The following NMNAT1 variants were observed in gnomAD, a reference collection of about 807,000 sequenced individuals.
NMNAT1 encodes the protein nicotinamide nucleotide adenylyltransferase 1.
NMNAT1 carries 11 observed loss-of-function variants against 16.7 expected under a neutral mutation model. The observed-to-expected ratio is 0.66, with a 90% CI of 0.41 to 1.09. The LOEUF (loss-of-function observed/expected upper bound fraction) is 1.09, where lower values mean the gene tolerates loss of function less well. Among genes scored for constraint, NMNAT1 ranks in the 50% least tolerant of loss-of-function variants. The probability of loss-of-function intolerance (pLI) is 0.00; values close to 1 mark genes in which losing one functional copy is unlikely to be tolerated. For missense variants in NMNAT1, 280 were observed against 332.3 expected (o/e 0.84, Z 1.22); for synonymous variants, 110 against 119.8 (o/e 0.92, Z 0.53).
chr1:9,977,823 A>C (rs1281819968), intron 3 of NMNAT1, among the ~76,000 whole-genome samples: 1 of 151,984 alleles, frequency 6.6e-6, no homozygotes, highest in Admixed American at 6.6e-5. Flanking sequence ...GTGCCACTGC[A>C]CTCCAGCCTG....
chr1:9,951,576 G>C (rs1247470154), intron 1 of NMNAT1, among the ~76,000 whole-genome samples: 1 of 152,070 alleles, frequency 6.6e-6, no homozygotes, highest in Non-Finnish European at 1.5e-5. Flanking sequence ...CTGGGTTCAC[G>C]GGATCCTCCT....
intron 1 of NMNAT1, among the ~76,000 whole-genome samples, chr1:9,969,812 T>A (rs1641647716): frequency 6.6e-6 from 1 of 152,190 alleles, no homozygotes; most frequent in South Asian, 2.1e-4. Context: ...CAGAAAATCA[T>A]CAATGAAAGA....
At chr1:9,950,392 A>C (rs796728112) in intron 1 of NMNAT1, among the ~76,000 whole-genome samples, 2 of 152,246 alleles carry the variant, frequency 1.3e-5, no homozygotes, top group African/African-American at 4.8e-5. Context: ...CGCCTGGCAT[A>C]ATGCAGTTTT....
At position 9,984,418 on chromosome 1, in the gene NMNAT1, T is replaced by G. The variant is rs991684100; in HGVS notation, c.*1717T>G. 1.3e-5 allele frequency: 2 copies of G among 152,270 alleles called. No individual in the cohort carries two copies. Among genetic ancestry groups the G allele is most frequent in the South Asian group, 4.1e-4 (2 of 4,822 alleles). 9.4% of individuals were successfully genotyped at this position (152,270 alleles called of 1,614,324 possible). A position where few individuals can be genotyped will look rare whatever the true frequency, so the allele number is the denominator to read the frequency against. On this transcript the variant is annotated 3_prime_UTR_variant, in exon 5 of 5. Coordinates refer to ENST00000377205, the MANE Select transcript of NMNAT1 (RefSeq NM_022787.4). ...AACAAGCTTTGTACAGAGAACAAGC[T>G]TGGCTTTTTCTCCCAACGCCGAGGA...
intron 1 of NMNAT1, among the ~76,000 whole-genome samples, chr1:9,955,540 G>A (rs1379199168): frequency 6.6e-6 from 1 of 152,184 alleles, no homozygotes; most frequent in Non-Finnish European, 1.5e-5. Context: ...GGGAGGCAGA[G>A]GTTGCAGTGA....
chr1:9,954,687 C>G (rs929959123), intron 1 of NMNAT1, among the ~76,000 whole-genome samples: 1 of 152,074 alleles, frequency 6.6e-6, no homozygotes, highest in Non-Finnish European at 1.5e-5. Context: ...AATTCCAGCA[C>G]TTTGGGAGTC....
chr1:9,963,597 G>T (rs1215751808), intron 1 of NMNAT1, among the ~76,000 whole-genome samples: 1 of 151,796 alleles, frequency 6.6e-6, no homozygotes, highest in Non-Finnish European at 1.5e-5. Context: ...TTTTAGTAGA[G>T]ACGGTTTCAC....
downstream of NMNAT1, among the ~76,000 whole-genome samples, chr1:9,987,344 A>T (rs950962980): frequency 1.3e-5 from 2 of 152,080 alleles, no homozygotes; most frequent in African/African-American, 4.8e-5. Context: ...AAATTTTTTT[A>T]AAAATTAGCC....
At chr1:9,953,195 G>T (rs1285592645) in intron 1 of NMNAT1, among the ~76,000 whole-genome samples, 1 of 151,202 alleles carries the variant, frequency 6.6e-6, no homozygotes, top group Non-Finnish European at 1.5e-5. Flanking sequence ...CATTATCCAG[G>T]ATGGTCTCGA....
the NMNAT1 span, among the ~76,000 whole-genome samples, chr1:9,994,101 C>CT: frequency 3.4e-3 from 359 of 106,172 alleles, 51 homozygotes; most frequent in African/African-American, 0.013. Flanking sequence ...CAAATGTTAG[C>CT]TTTTTTTTTT....
At chr1:9,955,982 A>G (rs1457943988) in intron 1 of NMNAT1, 1 of 152,022 alleles carries the variant, frequency 6.6e-6, no homozygotes, top group East Asian at 1.9e-4. Context: ...ACCAGAAGGC[A>G]CTAATCCTTG....
intron 2 of NMNAT1, 101 bp from the exon 3 acceptor site, chr1:9,975,489 CTG>C: frequency 1.0e-6 from 1 of 964,432 alleles, no homozygotes; most frequent in East Asian, 2.6e-5. Context: ...GAGCAAGACT[CTG>C]TCTCAAAAAA....
chr1:9,944,190 G>T (rs1640905393), intron 1 of NMNAT1, among the ~76,000 whole-genome samples: 1 of 152,032 alleles, frequency 6.6e-6, no homozygotes, highest in South Asian at 2.1e-4. Flanking sequence ...GGAGGCGGAG[G>T]TTACAGTGAG....
intron 1 of NMNAT1, among the ~76,000 whole-genome samples, chr1:9,962,093 T>C (rs1261634560): frequency 1.3e-5 from 2 of 152,006 alleles, no homozygotes; most frequent in Non-Finnish European, 2.9e-5. Context: ...TACTTCCATT[T>C]CCACTGACTA....
rs750465066 is a variant in NMNAT1, at chr1:9,982,650, T to C, written c.789T>C (p.Ala263=). 6.2e-7 allele frequency: 1 copy of C among 1,614,060 alleles called. No homozygotes were observed. Among genetic ancestry groups the C allele is most frequent in the East Asian group, 2.2e-5 (1 of 44,880 alleles). ...GCTCTGAGAGTGAAGACAGGAATGC[T>C]GGGGTCATCCTGGCCCCTTTGCAGA... The part of the protein sequence containing the change: ...LYSSESEDRN[A]GVILAPLQRN... Residue 263 remains alanine, a synonymous_variant, in exon 5 of 5, where the codon GCT becomes GCC. Coordinates refer to ENST00000377205, the MANE Select transcript of NMNAT1 (RefSeq NM_022787.4).
At chr1:9,952,860 CGCTCG>C (rs1207573073) in intron 1 of NMNAT1, among the ~76,000 whole-genome samples, 1 of 152,082 alleles carries the variant, frequency 6.6e-6, no homozygotes, top group Non-Finnish European at 1.5e-5. Flanking sequence ...TGAGCCACCA[CGCTCG>C]GCTAGAAACA....
intron 3 of NMNAT1, among the ~76,000 whole-genome samples, chr1:9,977,524 C>T (rs1291045613): frequency 6.6e-6 from 1 of 152,060 alleles, no homozygotes; most frequent in Non-Finnish European, 1.5e-5. Flanking sequence ...GAAACCCACT[C>T]TGGATATTTT....
At position 9,985,053 on chromosome 1, in the gene NMNAT1, T is replaced by C. The variant is rs967894082; in HGVS notation, c.*2352T>C. 3 of 152,160 alleles carry C rather than the reference T, an allele frequency of 2.0e-5. No individual in the cohort carries two copies. Among genetic ancestry groups the C allele is most frequent in the African/African-American group, 7.2e-5 (3 of 41,456 alleles). The allele number at this position is 152,160 out of a possible 1,614,324, so 9.4% of individuals were successfully genotyped here. ...TTCTAGAAGTCCAGAAGTTGTTATA[T>C]GATGAAATAGCCTCCTTTAACGTTT... On this transcript the variant is annotated 3_prime_UTR_variant, in exon 5 of 5. Coordinates refer to ENST00000377205, the MANE Select transcript of NMNAT1 (RefSeq NM_022787.4).
chr1:9,948,364 C>T (rs1641026769), intron 1 of NMNAT1, among the ~76,000 whole-genome samples: 1 of 152,078 alleles, frequency 6.6e-6, no homozygotes, highest in South Asian at 2.1e-4. Context: ...TGCTTGAGCC[C>T]AGGAGTTCGA....
Sources: gnomAD v4.1 joint callset for allele counts (sites outside exome capture counted in the v4.1 genomes callset) on GRCh38, gnomAD v4.1.1 for gene constraint, MANE v1.5 for transcripts, NCBI Gene and HGNC (gene_info 2026-07-23, HGNC 2026-07-21) for gene names.